WRN: variants seen among roughly 807,000 people sequenced by gnomAD.
WRN encodes bifunctional 3'-5' exonuclease/ATP-dependent helicase WRN.
WRN carries 149 observed loss-of-function variants against 180.7 expected under a neutral mutation model. The observed-to-expected ratio is 0.82, with a 90% CI of 0.72 to 0.94. The LOEUF is 0.94. Among genes scored for constraint, WRN ranks in the 40% least tolerant of loss-of-function variants. The pLI is 0.00. For missense variants in WRN, 1,661 were observed against 1,700.1 expected (o/e 0.98, Z 0.40); for synonymous variants, 548 against 568.9 (o/e 0.96, Z 0.52).
rs544780340 is a variant in WRN, at chr8:31,128,080, A to AT, written c.2825+3083dup. ...GGCAACATAGCAAGACCCCATCTCT[A>AT]TTTAAAAAAAAAAACAAACTTAAAA... On this transcript the variant is annotated intron_variant, in intron 23 of 34. Coordinates refer to ENST00000298139, the MANE Select transcript of WRN (RefSeq NM_000553.6). Among the ~76,000 whole-genome samples, 409 of 152,038 alleles carry AT rather than the reference A, an allele frequency of 2.7e-3. 1 individual carries two copies. Among genetic ancestry groups the AT allele is most frequent in the African/African-American group, 9.1e-3 (378 of 41,428 alleles).
chr8:31,082,931 G>T (rs1453308741), intron 9 of WRN, among the ~76,000 whole-genome samples: 4 of 152,176 alleles, frequency 2.6e-5, no homozygotes, highest in Non-Finnish European at 2.9e-5. Context: ...AGAAGTAAAA[G>T]AACTTTTAAA....
At chr8:31,171,403 T>G (rs1804097493) in intron 34 of WRN, 1 of 151,702 alleles carries the variant, frequency 6.6e-6, no homozygotes, top group Non-Finnish European at 1.5e-5. Flanking sequence ...AAGACATTTA[T>G]GTAGCCAACA....
At position 31,058,305 on chromosome 8, in the gene WRN, A is replaced by C. The variant is rs1415486787; in HGVS notation, c.-76-67A>C. ...GCTCTTATAACCTATGCTTGGACCT[A>C]GGTGTCATAACTTACTTTAAATATG... On this transcript the variant is annotated intron_variant, in intron 1 of 34. Coordinates refer to ENST00000298139, the MANE Select transcript of WRN (RefSeq NM_000553.6). 7 of 679,038 alleles carry C rather than the reference A, an allele frequency of 1.0e-5. No individual in the cohort carries two copies. In the Admixed American group the frequency reaches 1.6e-4, roughly 16 times the overall value. The allele number at this position is 679,038 out of a possible 1,614,324, so 42.1% of individuals were successfully genotyped here.
chr8:31,114,477 T>C (rs970746940), intron 19 of WRN, among the ~76,000 whole-genome samples: 2 of 152,234 alleles, frequency 1.3e-5, no homozygotes, highest in African/African-American at 4.8e-5. Flanking sequence ...TCTTTTGATT[T>C]ATCTGTTACA....
chr8:31,099,553 TTTTG>T (rs765995451), intron 17 of WRN, among the ~76,000 whole-genome samples: 72 of 151,294 alleles, frequency 4.8e-4, no homozygotes, highest in East Asian at 4.4e-3. Context: ...TAGGTTTTTT[TTTTG>T]TTTGTTTGTT....
chr8:31,065,383 C>T (rs568890983), intron 5 of WRN, among the ~76,000 whole-genome samples: 1 of 152,174 alleles, frequency 6.6e-6, no homozygotes, highest in Non-Finnish European at 1.5e-5. Context: ...GATTTTCTTC[C>T]TCCCTCCTCC....
At chr8:31,160,876 T>C (rs537744428) in intron 33 of WRN, among the ~76,000 whole-genome samples, 2 of 151,916 alleles carry the variant, frequency 1.3e-5, no homozygotes, top group Non-Finnish European at 2.9e-5. Flanking sequence ...CCCAGCTACT[T>C]GGGAGGCTGA....
rs529785810 is a variant in WRN, at chr8:31,143,887, C to A, written c.3383+264C>A. On this transcript the variant is annotated intron_variant, in intron 28 of 34. Transcript: ENST00000298139. ...TATGTGATATCTCATTTAATTCTTACAAGAGTCTAACAGCTGTTACTATTT... is the reference window on the plus strand; with the variant it reads ...TATGTGATATCTCATTTAATTCTTAAAAGAGTCTAACAGCTGTTACTATTT... Among the ~76,000 whole-genome samples, 8 of 152,170 alleles carry A rather than the reference C, an allele frequency of 5.3e-5. No individual in the cohort carries two copies. In the East Asian group the frequency reaches 1.2e-3, roughly 22 times the overall value.
At chr8:31,088,986 T>A (rs770602197) in intron 13 of WRN, 21 bp downstream of exon 13, 58 of 1,595,762 alleles carry the variant, frequency 3.6e-5, no homozygotes, top group Admixed American at 2.0e-4. Flanking sequence ...TCTCATTTAA[T>A]CAAATCACAT....
At chr8:31,085,809 C>T (rs773574225) in intron 11 of WRN, among the ~76,000 whole-genome samples, 1 of 152,032 alleles carries the variant, frequency 6.6e-6, no homozygotes, top group African/African-American at 2.4e-5. Flanking sequence ...TAATTTTTTC[C>T]TGGAATATGG....
chr8:31,147,373 T>C lies in WRN; in HGVS notation c.3469T>C (p.Tyr1157His), dbSNP rs1413539358. 5.6e-6 allele frequency: 9 copies of C among 1,614,030 alleles called. No homozygotes were observed. The highest frequency in any genetic ancestry group is 2.2e-5 in the East Asian group (1 of 44,846). Residue 1157 changes from tyrosine (Y) to histidine (H), a missense_variant, in exon 30 of 35, where the codon TAT becomes CAT. Physicochemically the swap from Tyr to His is moderately conservative, Grantham distance 83 (BLOSUM62 2). Coordinates refer to ENST00000298139, the MANE Select transcript of WRN (RefSeq NM_000553.6). ...AQEQETQIVL[Y>H]GKLVEARQKH... is the part of the protein sequence containing the mutation. ...TTTGTTTTTTGTTCAGATTGTGTTATATGGCAAATTGGTAGAAGCTAGGCA... is the reference window on the plus strand; with the variant it reads ...TTTGTTTTTTGTTCAGATTGTGTTACATGGCAAATTGGTAGAAGCTAGGCA...
intron 19 of WRN, among the ~76,000 whole-genome samples, chr8:31,115,401 T>G (rs1801481557): frequency 6.6e-6 from 1 of 152,226 alleles, no homozygotes; most frequent in Non-Finnish European, 1.5e-5. Flanking sequence ...CCTTAAAGGT[T>G]TTATAATTTT....
At chr8:31,097,778 CA>C (rs1450470143) in intron 17 of WRN, among the ~76,000 whole-genome samples, 2 of 151,542 alleles carry the variant, frequency 1.3e-5, no homozygotes, top group African/African-American at 4.8e-5. Flanking sequence ...GACCATGCCT[CA>C]AAAAAAATTT....
intron 29 of WRN, 55 bp from the exon 30 acceptor site, chr8:31,147,309 G>A (rs1194282809): frequency 6.4e-7 from 1 of 1,554,748 alleles, no homozygotes; most frequent in Non-Finnish European, 8.9e-7. Context: ...AAAAATAAAG[G>A]ACTAGATCTT....
At chr8:31,075,998 A>G (rs1001107465) in intron 7 of WRN, among the ~76,000 whole-genome samples, 175 bp from the exon 8 acceptor site, 1 of 152,198 alleles carries the variant, frequency 6.6e-6, no homozygotes, top group African/African-American at 2.4e-5. Context: ...TAAAAATTTG[A>G]AAGAGAGGGA....
intron 1 of WRN, among the ~76,000 whole-genome samples, chr8:31,054,867 A>C (rs1466233039): frequency 6.6e-6 from 1 of 152,130 alleles, no homozygotes; most frequent in Non-Finnish European, 1.5e-5. Flanking sequence ...CCCCGCATAC[A>C]TTAGCTGTTT....
rs1804219692 is a variant in WRN, at chr8:31,174,811, TCCTTCCTTCCTCCCTCCCTC to T, written c.*1713_*1732del. Among the ~76,000 whole-genome samples the T allele has an allele frequency of 1.9e-5, 2 of 105,314 alleles. No homozygotes were observed. Among genetic ancestry groups the T allele is most frequent in the Admixed American group, 2.2e-4 (2 of 9,066 alleles). 69.1% of individuals were successfully genotyped at this position (105,314 alleles called of 152,430 possible). The stretch of plus-strand genomic sequence containing the variant: ...CTTCCCTTCCCCTTCCTTCCTTCCT[TCCTTCCTTCCTCCCTCCCTC>T]CCTCCCTCCCTCCCTCCCTCCTTTC... On this transcript the variant is annotated 3_prime_UTR_variant, in exon 35 of 35. Coordinates refer to ENST00000298139, the MANE Select transcript of WRN (RefSeq NM_000553.6).
At chr8:31,097,282 C>G (rs1214458328) in intron 17 of WRN, among the ~76,000 whole-genome samples, 1 of 151,950 alleles carries the variant, frequency 6.6e-6, no homozygotes, top group Non-Finnish European at 1.5e-5. Context: ...GTTTTGTACC[C>G]TCTTTGTTCA....
intron 3 of WRN, among the ~76,000 whole-genome samples, chr8:31,061,094 A>G (rs1192487667): frequency 2.6e-5 from 4 of 152,130 alleles, no homozygotes; most frequent in African/African-American, 9.7e-5. Context: ...AGTACACACA[A>G]GTTTGATTGC....
Sources: gnomAD v4.1 joint callset for allele counts (sites outside exome capture counted in the v4.1 genomes callset) on GRCh38, gnomAD v4.1.1 for gene constraint, MANE v1.5 for transcripts, NCBI Gene and HGNC (gene_info 2026-07-23, HGNC 2026-07-21) for gene names.